Variants in RNGTT observed in about 807,000 individuals in gnomAD.
RNGTT encodes the protein mRNA-capping enzyme.
In RNGTT, 33 loss-of-function variants were observed where a neutral mutation model predicts 79.3. The ratio of observed to expected loss-of-function variants is 0.42; its 90% CI spans 0.32 to 0.56. The LOEUF is 0.56. RNGTT is among the 20% of genes least tolerant of loss of function. RNGTT has a pLI of 0.17. For missense variants in RNGTT, 497 were observed against 739.1 expected, an observed-to-expected ratio of 0.67 and a Z score of 3.80; for synonymous variants, 222 against 235.9, an observed-to-expected ratio of 0.94 and a Z score of 0.54.
At chr6:88,686,861 G>A (rs1048880292) in intron 13 of RNGTT, among the ~76,000 whole-genome samples, 2 of 151,388 alleles carry the variant, frequency 1.3e-5, no homozygotes, top group Non-Finnish European at 2.9e-5. Context: ...GGGAATCTAA[G>A]TACAAAAAAA....
chr6:88,771,315 G>GTGTGTGTGTATATATATA (rs1303688973), intron 12 of RNGTT, among the ~76,000 whole-genome samples: 10 of 62,070 alleles, frequency 1.6e-4, no homozygotes, highest in Non-Finnish European at 2.7e-4. Context: ...GTGTGTGTGT[G>GTGTGTGTGTATATATATA]TATATATATA....
Position 88,920,203 on chromosome 6 carries a change from G to A in RNGTT, c.367+8782C>T, listed in dbSNP as rs911642492. Among the ~76,000 whole-genome samples, 5 of 152,234 alleles carry A rather than the reference G, an allele frequency of 3.3e-5. No individual in the cohort carries two copies. The South Asian group carries it at 6.2e-4, about 19-fold the overall frequency. On this transcript the variant is annotated intron_variant, in intron 4 of 15. Transcript: ENST00000369485. ...TCAGACTCCTCAGGGGATTGGTTCT[G>A]GGATCCCCCTCAGATACCAAAATCC...
intron 8 of RNGTT, among the ~76,000 whole-genome samples, chr6:88,869,362 T>A (rs1303626355): frequency 1.3e-5 from 2 of 152,198 alleles, no homozygotes; most frequent in Non-Finnish European, 2.9e-5. Flanking sequence ...TTGACCTTTT[T>A]CGTGACTGGC....
intron 11 of RNGTT, among the ~76,000 whole-genome samples, chr6:88,802,654 G>T (rs1779828868): frequency 6.6e-6 from 1 of 152,160 alleles, no homozygotes; most frequent in South Asian, 2.1e-4. Flanking sequence ...TGGCTGGGGT[G>T]GCCTCACAGT....
In RNGTT at chr6:88,686,536, G is replaced by A. The variant is rs74398591; in HGVS notation, c.1440-8117C>T. Among the ~76,000 whole-genome samples the A allele has an allele frequency of 5.5e-3, 841 of 152,086 alleles. 8 individuals are homozygous for A. The highest frequency in any genetic ancestry group is 0.018 in the African/African-American group (727 of 41,496). ...AGATATCAAGACTTCTTCTCATGAA[G>A]CTTTAGCAATAATGAAAATGTGATT... On this transcript the variant is annotated intron_variant, in intron 13 of 15. Coordinates refer to ENST00000369485, the MANE Select transcript of RNGTT (RefSeq NM_003800.5).
At chr6:88,780,207 A>T (rs187033944) in intron 12 of RNGTT, among the ~76,000 whole-genome samples, 3 of 152,314 alleles carry the variant, frequency 2.0e-5, no homozygotes, top group Non-Finnish European at 4.4e-5. Flanking sequence ...TAAAATAATT[A>T]AAAATACAGA....
At chr6:88,696,566 T>C (rs1398962927) in intron 13 of RNGTT, among the ~76,000 whole-genome samples, 1 of 151,372 alleles carries the variant, frequency 6.6e-6, no homozygotes, top group Non-Finnish European at 1.5e-5. Context: ...CTCATCTCCT[T>C]GACATTGACT....
chr6:88,618,286 C>T (rs1396617768), intron 14 of RNGTT, among the ~76,000 whole-genome samples: 1 of 152,138 alleles, frequency 6.6e-6, no homozygotes, highest in Non-Finnish European at 1.5e-5. Context: ...GATAGATGCA[C>T]TACAAGTTAC....
At chr6:88,921,810 AT>A (rs1784172876) in intron 4 of RNGTT, among the ~76,000 whole-genome samples, 1 of 152,122 alleles carries the variant, frequency 6.6e-6, no homozygotes, top group African/African-American at 2.4e-5. Context: ...ACAGTAAAAA[AT>A]AATACAAATT....
intron 12 of RNGTT, among the ~76,000 whole-genome samples, chr6:88,784,319 A>G (rs1430134424): frequency 6.6e-6 from 1 of 152,136 alleles, no homozygotes; most frequent in Non-Finnish European, 1.5e-5. Flanking sequence ...CATGGTACTT[A>G]CAATCTAGTA....
At chr6:88,909,342 C>T (rs889370075) in intron 4 of RNGTT, among the ~76,000 whole-genome samples, 5 of 152,002 alleles carry the variant, frequency 3.3e-5, no homozygotes, top group Non-Finnish European at 5.9e-5. Context: ...GCTGCAAACC[C>T]GGGCCATGGT....
chr6:88,923,437 G>A (rs1017752027), intron 4 of RNGTT, among the ~76,000 whole-genome samples: 8 of 152,162 alleles, frequency 5.3e-5, no homozygotes, highest in Non-Finnish European at 1.2e-4. Context: ...CCTCTGTAGA[G>A]ACTATACCAA....
chr6:88,622,952 T>C (rs1403941810), intron 14 of RNGTT, among the ~76,000 whole-genome samples: 1 of 152,064 alleles, frequency 6.6e-6, no homozygotes, highest in Non-Finnish European at 1.5e-5. Context: ...GTTTACAAAA[T>C]GATAATGCCT....
intron 8 of RNGTT, among the ~76,000 whole-genome samples, chr6:88,887,564 T>C (rs1009859793): frequency 2.6e-5 from 4 of 152,190 alleles, no homozygotes; most frequent in African/African-American, 9.7e-5. Context: ...TTGTTTTTGG[T>C]GGAGCCTGGT....
At chr6:88,741,022 A>G (rs189865816) in intron 13 of RNGTT, among the ~76,000 whole-genome samples, 67 of 152,328 alleles carry the variant, frequency 4.4e-4, no homozygotes, top group Admixed American at 9.2e-4. Context: ...TTTGACCATC[A>G]TGGAAAATAG....
intron 12 of RNGTT, among the ~76,000 whole-genome samples, chr6:88,774,453 C>T (rs9344860): frequency 0.14 from 21,077 of 152,056 alleles, 1,595 homozygotes; most frequent in Middle Eastern, 0.24. Context: ...CCACATGACC[C>T]GGAAGGTCCA....
At chr6:88,860,055 T>A (rs766691960) in intron 8 of RNGTT, among the ~76,000 whole-genome samples, 4 of 152,122 alleles carry the variant, frequency 2.6e-5, no homozygotes, top group Non-Finnish European at 5.9e-5. Context: ...CCCAACAGAA[T>A]AGGGGTCAAT....
intron 13 of RNGTT, among the ~76,000 whole-genome samples, chr6:88,751,310 A>G (rs1467522103): frequency 5.9e-5 from 9 of 152,162 alleles, no homozygotes; most frequent in Non-Finnish European, 1.3e-4. Context: ...ATGCTCATGC[A>G]ATTTTTAAAT....
At chr6:88,665,060 A>G (rs941580264) in intron 14 of RNGTT, among the ~76,000 whole-genome samples, 2 of 152,176 alleles carry the variant, frequency 1.3e-5, no homozygotes, top group African/African-American at 4.8e-5. Flanking sequence ...GGACCTGCTT[A>G]GCAAGCTGAG....
Sources: allele counts gnomAD v4.1 joint callset (sites outside exome capture counted in the v4.1 genomes callset), GRCh38; gene constraint gnomAD v4.1.1; transcripts MANE v1.5; gene names NCBI Gene and HGNC (gene_info 2026-07-23, HGNC 2026-07-21).